SCD5: variants seen among roughly 807,000 people sequenced by gnomAD.
SCD5 encodes the protein acyl-CoA-desaturase 4.
In SCD5, 20 loss-of-function variants were observed where a neutral mutation model predicts 30.4. That is an observed-to-expected ratio of 0.66 (90% confidence interval 0.46 to 0.96). The LOEUF (loss-of-function observed/expected upper bound fraction) is 0.96, where lower values mean the gene tolerates loss of function less well. Among genes scored for constraint, SCD5 ranks in the 40% least tolerant of loss-of-function variants. The pLI is 0.00. For synonymous variants in SCD5, 173 were observed against 176.4 expected (o/e 0.98, Z 0.16); for missense variants, 381 against 443.3 (o/e 0.86, Z 1.26).
chr4:82,727,984 C>T (rs1720543774), intron 1 of SCD5, among the ~76,000 whole-genome samples: 1 of 152,188 alleles, frequency 6.6e-6, no homozygotes, highest in African/African-American at 2.4e-5. Flanking sequence ...GTTGGGATTA[C>T]AGGCATGAGC....
At chr4:82,670,859 A>G (rs1167307613) in intron 3 of SCD5, among the ~76,000 whole-genome samples, 1 of 152,052 alleles carries the variant, frequency 6.6e-6, no homozygotes, top group Non-Finnish European at 1.5e-5. Context: ...GCAAATATCA[A>G]TTGGATGGAA....
At chr4:82,766,413 C>T in intron 1 of SCD5, among the ~76,000 whole-genome samples, 1 of 152,100 alleles carries the variant, frequency 6.6e-6, no homozygotes, top group East Asian at 1.9e-4. Flanking sequence ...ATTGTATTTT[C>T]CATCTCTAGA....
At chr4:82,707,483 G>A (rs1719993582) in intron 1 of SCD5, among the ~76,000 whole-genome samples, 2 of 152,234 alleles carry the variant, frequency 1.3e-5, no homozygotes, top group South Asian at 4.1e-4. Context: ...GCATGGCCTT[G>A]TGTAGTCTCT....
chr4:82,708,912 T>C (rs1222653230), intron 1 of SCD5, among the ~76,000 whole-genome samples: 3 of 90,316 alleles, frequency 3.3e-5, no homozygotes, highest in Admixed American at 1.2e-4. Flanking sequence ...TGAACATTAA[T>C]AAATAATATT....
At chr4:82,675,208 T>A (rs1728410977) in intron 3 of SCD5, among the ~76,000 whole-genome samples, 1 of 152,144 alleles carries the variant, frequency 6.6e-6, no homozygotes, top group African/African-American at 2.4e-5. Flanking sequence ...TGGGAGAGGC[T>A]ATGCATGTGT....
chr4:82,646,397 C>T (rs1727634659), intron 3 of SCD5, among the ~76,000 whole-genome samples: 1 of 152,192 alleles, frequency 6.6e-6, no homozygotes, highest in East Asian at 1.9e-4. Context: ...ATATGTGATG[C>T]ACTTGGATGC....
At chr4:82,719,397 A>C (rs961682947) in intron 1 of SCD5, among the ~76,000 whole-genome samples, 1 of 151,814 alleles carries the variant, frequency 6.6e-6, no homozygotes, top group African/African-American at 2.4e-5. Flanking sequence ...ACAGCCCACA[A>C]TATGTTTTCT....
intron 1 of SCD5, among the ~76,000 whole-genome samples, chr4:82,793,321 C>T (rs867947170): frequency 2.0e-5 from 3 of 152,048 alleles, no homozygotes; most frequent in African/African-American, 7.2e-5. Context: ...CCAAAGAAAA[C>T]GCTCAAGACC....
chr4:82,773,618 C>A lies in SCD5; in HGVS notation c.232+24688G>T, dbSNP rs544716941. 7.3e-4 allele frequency among the ~76,000 whole-genome samples: 111 copies of A among 152,348 alleles called. 1 individual carries two copies. The highest frequency in any genetic ancestry group is 1.4e-3 in the Non-Finnish European group (95 of 68,038). On this transcript the variant is annotated intron_variant, in intron 1 of 4. Transcript: ENST00000319540. ...ATACCCACATGTCTAAGCAAAGTTT[C>A]TCAACCATGGCACTATTAACATTTT... is the stretch of plus-strand genomic sequence containing the variant.
At chr4:82,786,505 A>T (rs1490594848) in intron 1 of SCD5, among the ~76,000 whole-genome samples, 1 of 152,182 alleles carries the variant, frequency 6.6e-6, no homozygotes, top group East Asian at 1.9e-4. Flanking sequence ...TCTCTATTTA[A>T]GAGGCAATCT....
chr4:82,679,222 A>AG (rs10632813), intron 3 of SCD5, among the ~76,000 whole-genome samples: 6 of 91,492 alleles, frequency 6.6e-5, no homozygotes, highest in Non-Finnish European at 1.1e-4. Context: ...AAAGAAAGAA[A>AG]AGAAAGAAAG....
chr4:82,784,639 A>G (rs1332207076), intron 1 of SCD5, among the ~76,000 whole-genome samples: 1 of 152,234 alleles, frequency 6.6e-6, no homozygotes, highest in Non-Finnish European at 1.5e-5. Flanking sequence ...CAGTGCTGTA[A>G]TACCTTTCTT....
intron 2 of SCD5, among the ~76,000 whole-genome samples, chr4:82,696,941 T>C (rs988906854): frequency 6.6e-6 from 1 of 152,232 alleles, no homozygotes; most frequent in African/African-American, 2.4e-5. Context: ...CTCAGACATT[T>C]GGGCCTTAGT....
At chr4:82,764,245 T>C (rs1364402095) in intron 1 of SCD5, among the ~76,000 whole-genome samples, 1 of 152,248 alleles carries the variant, frequency 6.6e-6, no homozygotes, top group Admixed American at 6.5e-5. Context: ...TGTGACTAGG[T>C]AGAAAAGAAC....
chr4:82,677,020 C>T (rs1728450972), intron 3 of SCD5, among the ~76,000 whole-genome samples: 1 of 152,220 alleles, frequency 6.6e-6, no homozygotes, highest in Non-Finnish European at 1.5e-5. Flanking sequence ...CTGATTAAGC[C>T]TCTCTGCCAA....
chr4:82,642,146 G>A (rs566278468), intron 3 of SCD5, among the ~76,000 whole-genome samples: 3 of 152,056 alleles, frequency 2.0e-5, no homozygotes, highest in Non-Finnish European at 4.4e-5. Flanking sequence ...GCCCTATGAT[G>A]TAGTTTTTAT....
intron 1 of SCD5, among the ~76,000 whole-genome samples, chr4:82,772,255 C>T (rs925440125): frequency 2.6e-5 from 4 of 152,178 alleles, no homozygotes; most frequent in African/African-American, 9.7e-5. Context: ...ATGCTGAGGC[C>T]ATTTTTGTCC....
chr4:82,796,249 G>T (rs1024368743), intron 1 of SCD5, among the ~76,000 whole-genome samples: 1 of 147,946 alleles, frequency 6.8e-6, no homozygotes, highest in Admixed American at 6.7e-5. Flanking sequence ...CAGCCTGGGC[G>T]ACAGAGCGAG....
intron 1 of SCD5, among the ~76,000 whole-genome samples, chr4:82,754,025 G>A (rs147984185): frequency 6.6e-6 from 1 of 152,088 alleles, no homozygotes. Flanking sequence ...ACAAGATAAC[G>A]CAGTCTCTTG....
Sources: allele counts gnomAD v4.1 joint callset (sites outside exome capture counted in the v4.1 genomes callset), GRCh38; gene constraint gnomAD v4.1.1; transcripts MANE v1.5; gene names NCBI Gene and HGNC (gene_info 2026-07-23, HGNC 2026-07-21).